Variants in ROBO2 observed in about 807,000 individuals in gnomAD.
ROBO2 encodes roundabout homolog 2.
Under a neutral mutation model 160.8 loss-of-function variants are expected in ROBO2, and 53 were observed. The ratio of observed to expected loss-of-function variants is 0.33; its 90% CI spans 0.26 to 0.41. The LOEUF (loss-of-function observed/expected upper bound fraction) is 0.41. Among genes scored for constraint, ROBO2 ranks in the 10% least tolerant of loss-of-function variants. The probability of loss-of-function intolerance (pLI) is 1.00; values close to 1 mark genes in which losing one functional copy is unlikely to be tolerated. For synonymous variants in ROBO2, 664 were observed against 611.7 expected (o/e 1.09, Z -1.26); for missense variants, 1,577 against 1,722.4 (o/e 0.92, Z 1.49).
At chr3:76,489,230 T>C (rs899920725) in intron 2 of ROBO2, among the ~76,000 whole-genome samples, 2 of 151,578 alleles carry the variant, frequency 1.3e-5, no homozygotes, top group African/African-American at 4.8e-5. Context: ...AAAATGTTTG[T>C]AATGGATGTG....
chr3:76,801,913 G>GT, intron 2 of ROBO2, among the ~76,000 whole-genome samples: 1 of 152,172 alleles, frequency 6.6e-6, no homozygotes, highest in African/African-American at 2.4e-5. Context: ...TTTCAATATT[G>GT]TTTTGTCTCA....
intron 2 of ROBO2, among the ~76,000 whole-genome samples, chr3:77,433,909 A>C (rs897437050): frequency 1.3e-5 from 2 of 151,978 alleles, no homozygotes; most frequent in African/African-American, 4.8e-5. Flanking sequence ...ATTTTCCTCT[A>C]AATATAATTG....
At chr3:77,563,135 G>A (rs2093378859) in intron 10 of ROBO2, 32 bp from the exon 12 acceptor site, 1 of 1,610,100 alleles carries the variant, frequency 6.2e-7, no homozygotes, top group East Asian at 2.2e-5. Flanking sequence ...TATGCAATCA[G>A]GAATGAAGTT....
At chr3:77,146,337 G>A (rs1382337882) in intron 2 of ROBO2, among the ~76,000 whole-genome samples, 1 of 152,156 alleles carries the variant, frequency 6.6e-6, no homozygotes, top group Non-Finnish European at 1.5e-5. Flanking sequence ...TTACTACAGA[G>A]GAGACAAACC....
At chr3:77,160,876 T>A (rs1283856794) in intron 2 of ROBO2, among the ~76,000 whole-genome samples, 3 of 152,206 alleles carry the variant, frequency 2.0e-5, no homozygotes, top group African/African-American at 4.8e-5. Flanking sequence ...TAAAATTGTA[T>A]GTTGATTTTG....
rs1373302741 is a variant in ROBO2, at chr3:77,640,148, A to G, written c.3935-4556A>G. Among the ~76,000 whole-genome samples the G allele has an allele frequency of 2.1e-4, 23 of 109,846 alleles. No individual in the cohort carries two copies. In the South Asian group the frequency reaches 5.1e-3, roughly 24 times the overall value. 72.1% of individuals were successfully genotyped at this position (109,846 alleles called of 152,430 possible). Reference sequence around the variant, plus strand: ...TTTTTTTGAGACGGAGTCTCGCTCTATCCGCCAGGCTGGAGTACAGTGGGG... The same window carrying G: ...TTTTTTTGAGACGGAGTCTCGCTCTGTCCGCCAGGCTGGAGTACAGTGGGG... On this transcript the variant is annotated intron_variant, in intron 24 of 25. Transcript: ENST00000461745.
intron 2 of ROBO2, among the ~76,000 whole-genome samples, chr3:77,136,479 CTTTTTTTTTTTT>C (rs59688881): frequency 1.5e-5 from 1 of 67,890 alleles, no homozygotes; most frequent in Non-Finnish European, 2.6e-5. Flanking sequence ...ATAAAATATG[CTTTTTTTTTTTT>C]TTTTTTTTTT....
At chr3:76,179,860 A>T (rs1165158568) in intron 2 of ROBO2, among the ~76,000 whole-genome samples, 2 of 152,146 alleles carry the variant, frequency 1.3e-5, no homozygotes, top group Non-Finnish European at 2.9e-5. Flanking sequence ...AACACTTTTT[A>T]TAAAGTGGTG....
intron 2 of ROBO2, among the ~76,000 whole-genome samples, chr3:76,769,842 C>T (rs1432482431): frequency 6.6e-6 from 1 of 151,376 alleles, no homozygotes; most frequent in Non-Finnish European, 1.5e-5. Context: ...TTAAAAAGGC[C>T]TGCTTGATAA....
At chr3:77,602,834 C>G in intron 20 of ROBO2, 1 of 470,326 alleles carries the variant, frequency 2.1e-6, no homozygotes, top group Non-Finnish European at 4.2e-6. Flanking sequence ...TCCACTCTCC[C>G]ACAACATCTG....
At chr3:76,037,714 G>A (rs963704545) in intron 2 of ROBO2, among the ~76,000 whole-genome samples, 1 of 151,910 alleles carries the variant, frequency 6.6e-6, no homozygotes, top group Non-Finnish European at 1.5e-5. Context: ...AGTCAAACAG[G>A]AGAAAAATAT....
At chr3:77,217,908 A>T (rs1358893027) in intron 2 of ROBO2, among the ~76,000 whole-genome samples, 1 of 152,264 alleles carries the variant, frequency 6.6e-6, no homozygotes, top group Non-Finnish European at 1.5e-5. Flanking sequence ...GAAATATTAC[A>T]GACAGGAGTA....
intron 2 of ROBO2, among the ~76,000 whole-genome samples, chr3:76,505,369 T>TA (rs58777126): frequency 0.093 from 13,962 of 149,444 alleles, 729 homozygotes; most frequent in Middle Eastern, 0.13. Context: ...GTTCAGCATT[T>TA]AAAAAAAAAA....
intron 2 of ROBO2, among the ~76,000 whole-genome samples, chr3:76,937,658 G>A (rs1418069419): frequency 6.6e-6 from 1 of 151,880 alleles, no homozygotes; most frequent in Non-Finnish European, 1.5e-5. Context: ...TGTGCTTTTT[G>A]GCCATTTGCA....
At chr3:76,869,165 A>G (rs886615040) in intron 2 of ROBO2, among the ~76,000 whole-genome samples, 7 of 152,168 alleles carry the variant, frequency 4.6e-5, no homozygotes, top group Non-Finnish European at 5.9e-5. Flanking sequence ...TGAAAGTGAC[A>G]TAAGTGGTAG....
chr3:76,261,076 A>G (rs186480130), intron 2 of ROBO2, among the ~76,000 whole-genome samples: 76 of 152,126 alleles, frequency 5.0e-4, no homozygotes, highest in Middle Eastern at 3.4e-3. Context: ...TGATTTTGAG[A>G]TTTAATTCAA....
chr3:76,808,491 AAAG>A (rs1471881538), intron 2 of ROBO2, among the ~76,000 whole-genome samples: 3 of 152,180 alleles, frequency 2.0e-5, no homozygotes, highest in Non-Finnish European at 4.4e-5. Flanking sequence ...TGGACCTGAC[AAAG>A]AAGAAGACAA....
At chr3:76,646,048 T>C (rs1213413205) in intron 2 of ROBO2, among the ~76,000 whole-genome samples, 7 of 152,156 alleles carry the variant, frequency 4.6e-5, no homozygotes, top group African/African-American at 7.2e-5. Flanking sequence ...CTGGGCTAAG[T>C]GTTCGAGACG....
chr3:77,473,259 C>A (rs2083543405), intron 2 of ROBO2, among the ~76,000 whole-genome samples: 1 of 151,628 alleles, frequency 6.6e-6, no homozygotes, highest in African/African-American at 2.4e-5. Context: ...ATGTTGCCTG[C>A]TTTTTTACTG....
Sources: gnomAD v4.1 joint callset for allele counts (sites outside exome capture counted in the v4.1 genomes callset) on GRCh38, gnomAD v4.1.1 for gene constraint, MANE v1.5 for transcripts, NCBI Gene and HGNC (gene_info 2026-07-23, HGNC 2026-07-21) for gene names.